The following DBNL variants were observed in gnomAD, a reference collection of about 807,000 sequenced individuals.
DBNL encodes the protein drebrin like, also known as drebrin-like protein.
Under a neutral mutation model 62.2 loss-of-function variants are expected in DBNL, and 35 were observed. That is an observed-to-expected ratio of 0.56 (90% confidence interval 0.43 to 0.75). The LOEUF (loss-of-function observed/expected upper bound fraction) is 0.75, where lower values mean the gene tolerates loss of function less well. Among genes scored for constraint, DBNL ranks in the 30% least tolerant of loss-of-function variants. DBNL has a pLI of 0.00. For missense variants in DBNL, 495 were observed against 578.4 expected (o/e 0.86, Z 1.48); for synonymous variants, 197 against 218.0 (o/e 0.90, Z 0.85).
Position 44,064,906 on chromosome 7 carries a change from T to G in DBNL, c.*3990T>G. On this transcript the variant is annotated 3_prime_UTR_variant, in exon 13 of 13. Coordinates refer to ENST00000448521, the MANE Select transcript of DBNL (RefSeq NM_001014436.3). Reference sequence around the variant, plus strand: ...GAGCACTCGCTTGCCGGCCTTGATCTGGGGAACAATCTCCTCGTTCCAGAA... The same window carrying G: ...GAGCACTCGCTTGCCGGCCTTGATCGGGGGAACAATCTCCTCGTTCCAGAA... 1 of 1,611,326 alleles carries G rather than the reference T, an allele frequency of 6.2e-7. No homozygotes were observed. Among genetic ancestry groups the G allele is most frequent in the Non-Finnish European group, 8.5e-7 (1 of 1,179,628 alleles).
intron 4 of DBNL, among the ~76,000 whole-genome samples, chr7:44,054,441 C>T (rs2096132394): frequency 6.6e-6 from 1 of 152,214 alleles, no homozygotes; most frequent in Non-Finnish European, 1.5e-5. Flanking sequence ...GATCTGCCCT[C>T]TTCAGCTTCC....
chr7:44,044,768 G>C lies in DBNL; in HGVS notation c.31G>C (p.Ala11Pro). The stretch of plus-strand genomic sequence containing the variant: ...GGCGAACCTGAGCCGGAACGGGCCA[G>C]CGCTGCAAGAGGCCTACGTGCGGGT... MAANLSRNGP[A>P]LQEAYVRVVT... The change falls in exon 1 of 13, where the codon GCG becomes CCG. Residue 11 changes from alanine to proline, a missense_variant. Ala to Pro is a conservative substitution (Grantham distance 27). Transcript: ENST00000448521. 2.0e-6 allele frequency: 3 copies of C among 1,509,150 alleles called. No individual in the cohort carries two copies. The highest frequency in any genetic ancestry group is 2.7e-6 in the Non-Finnish European group (3 of 1,129,872). The allele number at this position is 1,509,150 out of a possible 1,614,324, so 93.5% of individuals were successfully genotyped here.
rs10951756 is a variant in DBNL, at chr7:44,060,474, G to A, written c.1154-303G>A. Reference sequence around the variant, plus strand: ...AGGCCTGGATGCTGGTTCACCAGGCGTCCCTGGGTGGAGGCCTTGGAGAAT... The same window carrying A: ...AGGCCTGGATGCTGGTTCACCAGGCATCCCTGGGTGGAGGCCTTGGAGAAT... On this transcript the variant is annotated intron_variant, in intron 12 of 12. Coordinates refer to ENST00000448521, the MANE Select transcript of DBNL (RefSeq NM_001014436.3). The surrounding 1 kb of genome is among the most constrained non-coding windows in gnomAD (Gnocchi z 6.3). 2.0e-5 allele frequency among the ~76,000 whole-genome samples: 3 copies of A among 152,166 alleles called. No homozygotes were observed. The highest frequency in any genetic ancestry group is 2.9e-5 in the Non-Finnish European group (2 of 67,952).
Position 44,058,473 on chromosome 7 carries a change from A to G in DBNL, c.746A>G (p.Asn249Ser). 1 of 1,614,196 alleles carries G rather than the reference A, an allele frequency of 6.2e-7. No individual in the cohort carries two copies. Residue 249 changes from asparagine (N) to serine (S), a missense_variant, in exon 8 of 13, where the codon AAT (asparagine) becomes AGT (serine). Physicochemically the swap from Asn to Ser is conservative, Grantham distance 46. Coordinates refer to ENST00000448521, the MANE Select transcript of DBNL (RefSeq NM_001014436.3). ...CAAGAAGTGGTTTCAAGGAACCGAA[A>G]TGAGCAGGTAAGATGGGGGTGCTCT... is the stretch of plus-strand genomic sequence containing the variant. ...QQQEVVSRNRNEQESAVHPRE... is the reference protein window; with the variant it reads ...QQQEVVSRNRSEQESAVHPRE...
rs1049327170 is a variant in DBNL at position 44,064,517 on chromosome 7, C to T, written c.*3601C>T. On this transcript the variant is annotated 3_prime_UTR_variant, in exon 13 of 13. Coordinates refer to ENST00000448521, the MANE Select transcript of DBNL (RefSeq NM_001014436.3). ...CCCACAGTAAGTTGGGATTTGGAGC[C>T]AGATGCTCTAAGCCCAGCCCTTCCG... 2.9e-5 allele frequency: 12 copies of T among 415,756 alleles called. No individual in the cohort carries two copies. The highest frequency in any genetic ancestry group is 5.4e-5 in the Non-Finnish European group (12 of 222,384). The allele number at this position is 415,756 out of a possible 1,614,324, so 25.8% of individuals were successfully genotyped here. A position where few individuals can be genotyped will look rare whatever the true frequency, so the allele number is the denominator to read the frequency against.
Position 44,058,479 on chromosome 7 carries a change from A to C in DBNL, c.752A>C (p.Gln251Pro). Residue 251 changes from glutamine to proline, a missense_variant and splice_region_variant, in exon 8 of 13, where the codon CAG becomes CCG. Coordinates refer to ENST00000448521, the MANE Select transcript of DBNL (RefSeq NM_001014436.3). ...GTGGTTTCAAGGAACCGAAATGAGC[A>C]GGTAAGATGGGGGTGCTCTACTTGT... ...QEVVSRNRNE[Q>P]ESAVHPREIF... 1.9e-6 allele frequency: 3 copies of C among 1,614,186 alleles called. No homozygotes were observed. The highest frequency in any genetic ancestry group is 2.5e-6 in the Non-Finnish European group (3 of 1,180,028).
In DBNL at chr7:44,059,666, C is replaced by T. The variant is rs1447988505; in HGVS notation, c.1047+8C>T. 6.3e-7 allele frequency: 1 copy of T among 1,594,202 alleles called. No homozygotes were observed. Among genetic ancestry groups the T allele is most frequent in the Non-Finnish European group, 8.5e-7 (1 of 1,175,638 alleles). ...TACGAGCAGCCCCCACTGGTGGGTT[C>T]CTACACTGGGGCTGGGGCCAGGAAG... On this transcript the variant is annotated splice_region_variant and intron_variant, in intron 11 of 12. Transcript: ENST00000448521. This position sits in a 1 kb window ranked among gnomAD's most constrained non-coding sequence, Gnocchi z 4.1.
Position 44,051,832 on chromosome 7 carries a change from G to GCCA in DBNL, c.142_143insCCA (p.Gly48delinsAlaSer). On this transcript the variant is annotated protein_altering_variant, in exon 3 of 13. Transcript: ENST00000448521. ...CCTTCACTGTGACTCTGCTGCAGAG[G>GCCA]GTGGCCTGGAGGAGATGGTGGAGGA... 6.2e-7 allele frequency: 1 copy of GCCA among 1,614,102 alleles called. No homozygotes were observed. The highest frequency in any genetic ancestry group is 8.5e-7 in the Non-Finnish European group (1 of 1,179,988).
chr7:44,065,059 C>G lies in DBNL; in HGVS notation c.*4143C>G. The stretch of plus-strand genomic sequence containing the variant: ...CTTTCCCTCCCAAGCCAGTGGGCCC[C>G]CACCCGACTCCCCACTCTGCAGCTT... On this transcript the variant is annotated 3_prime_UTR_variant, in exon 13 of 13. Transcript: ENST00000448521. The G allele has an allele frequency of 6.2e-7, 1 of 1,610,302 alleles. No homozygotes were observed. The highest frequency in any genetic ancestry group is 8.5e-7 in the Non-Finnish European group (1 of 1,179,818).
chr7:44,064,871 G>A lies in DBNL; in HGVS notation c.*3955G>A, dbSNP rs756734437. The A allele has an allele frequency of 1.2e-6, 2 of 1,611,070 alleles. No individual in the cohort carries two copies. The highest frequency in any genetic ancestry group is 1.1e-5 in the South Asian group (1 of 90,532). ...ACAATGCCCCGCAGGCTGTTCCCGT[G>A]GGCTGCAATGAGCACTCGCTTGCCG... On this transcript the variant is annotated 3_prime_UTR_variant, in exon 13 of 13. Coordinates refer to ENST00000448521, the MANE Select transcript of DBNL (RefSeq NM_001014436.3).
At position 44,068,267 on chromosome 7, in the gene DBNL, G is replaced by A. The variant is rs1192800234; in HGVS notation, c.*7351G>A. The A allele has an allele frequency of 2.6e-5, 4 of 152,080 alleles. No individual in the cohort carries two copies. The highest frequency in any genetic ancestry group is 9.7e-5 in the African/African-American group (4 of 41,382). The allele number at this position is 152,080 out of a possible 1,614,324, so 9.4% of individuals were successfully genotyped here. Reference sequence around the variant, plus strand: ...GGGAAAGAGCCCCAGATTTGTGGCTGGAGGTCTTGGTAGGGATGTTGCAGG... The same window carrying A: ...GGGAAAGAGCCCCAGATTTGTGGCTAGAGGTCTTGGTAGGGATGTTGCAGG... On this transcript the variant is annotated 3_prime_UTR_variant, in exon 13 of 13. Coordinates refer to ENST00000448521, the MANE Select transcript of DBNL (RefSeq NM_001014436.3).
rs1387278633 is a variant in DBNL at position 44,065,583 on chromosome 7, C to T, written c.*4667C>T. On this transcript the variant is annotated 3_prime_UTR_variant, in exon 13 of 13. Coordinates refer to ENST00000448521, the MANE Select transcript of DBNL (RefSeq NM_001014436.3). ...GGACGGGGACGGCTGCTTCCCAACA[C>T]TCCCAGCTTTATAATAGTGTCTTCC... The T allele has an allele frequency of 6.5e-7, 1 of 1,543,410 alleles. No homozygotes were observed. The highest frequency in any genetic ancestry group is 8.9e-7 in the Non-Finnish European group (1 of 1,119,806).
chr7:44,053,033 C>T, intron 4 of DBNL, 92 bp downstream of exon 4: 1 of 1,489,190 alleles, frequency 6.7e-7, no homozygotes, highest in South Asian at 1.2e-5. Flanking sequence ...GGAATCAGAA[C>T]TGGAGTTGGG....
In DBNL at chr7:44,052,906, G is replaced by C. The variant is rs1206302350; in HGVS notation, c.292G>C (p.Ala98Pro). 1 of 1,613,598 alleles carries C rather than the reference G, an allele frequency of 6.2e-7. No individual in the cohort carries two copies. The highest frequency in any genetic ancestry group is 8.5e-7 in the Non-Finnish European group (1 of 1,179,982). ...GVNDVRKGAC[A>P]SHVSTMASFL... ...GAACGATGTGCGGAAGGGAGCCTGTGCCAGCCACGTCAGCACCATGGCCAG... is the reference window on the plus strand; with the variant it reads ...GAACGATGTGCGGAAGGGAGCCTGTCCCAGCCACGTCAGCACCATGGCCAG... The change falls in exon 4 of 13, where the codon GCC (alanine) becomes CCC (proline). Residue 98 changes from alanine to proline, a missense_variant. Transcript: ENST00000448521.
chr7:44,048,835 A>C (rs181659850), intron 1 of DBNL, among the ~76,000 whole-genome samples: 7 of 152,276 alleles, frequency 4.6e-5, no homozygotes, highest in Admixed American at 4.6e-4. Flanking sequence ...AGCCAGAATG[A>C]ATCTTTACCA....
Position 44,064,768 on chromosome 7 carries a change from A to G in DBNL, c.*3852A>G, listed in dbSNP as rs896332394. ...GGTCCATGGGCGAGAGACTTTGCTG[A>G]GATGAGAAGCCAGCTGGGGCTGCTG... On this transcript the variant is annotated 3_prime_UTR_variant, in exon 13 of 13. Coordinates refer to ENST00000448521, the MANE Select transcript of DBNL (RefSeq NM_001014436.3). 91 of 1,406,884 alleles carry G rather than the reference A, an allele frequency of 6.5e-5. No individual in the cohort carries two copies. Among genetic ancestry groups the G allele is most frequent in the Non-Finnish European group, 8.6e-5 (88 of 1,025,066 alleles). The allele number at this position is 1,406,884 out of a possible 1,614,324, so 87.2% of individuals were successfully genotyped here.
In DBNL at chr7:44,058,145, G is replaced by A. The variant is rs771318533; in HGVS notation, c.569G>A (p.Arg190His). 3.2e-6 allele frequency: 5 copies of A among 1,556,988 alleles called. No homozygotes were observed. Among genetic ancestry groups the A allele is most frequent in the African/African-American group, 1.4e-5 (1 of 73,686 alleles). Residue 190 changes from arginine to histidine, a missense_variant, in exon 7 of 13, where the codon CGT becomes CAT. Coordinates refer to ENST00000448521, the MANE Select transcript of DBNL (RefSeq NM_001014436.3). ...TCCCTGCAGAAGGAGGAGGAGAACCGTCGGCTGGAGGAAAAGCGGCGGGCC... is the reference window on the plus strand; with the variant it reads ...TCCCTGCAGAAGGAGGAGGAGAACCATCGGCTGGAGGAAAAGCGGCGGGCC... Reference protein sequence around the residue: ...WAKAEKEEENRRLEEKRRAEE... With the variant: ...WAKAEKEEENHRLEEKRRAEE...
In DBNL at chr7:44,050,267, G is replaced by A; in HGVS notation, c.126G>A (p.Val42=). ...TYEGNSNDIR[V]AGTGEGGLEE... The stretch of plus-strand genomic sequence containing the variant: ...AAGGCAACAGCAATGACATCCGCGT[G>A]GCTGGCACAGGGGGTGAGTATGACT... The change falls in exon 2 of 13, where the codon GTG becomes GTA. Residue 42 remains valine (V), a synonymous_variant. Coordinates refer to ENST00000448521, the MANE Select transcript of DBNL (RefSeq NM_001014436.3). 1 of 1,613,772 alleles carries A rather than the reference G, an allele frequency of 6.2e-7. No individual in the cohort carries two copies. Among genetic ancestry groups the A allele is most frequent in the African/African-American group, 1.3e-5 (1 of 75,046 alleles).
intron 4 of DBNL, among the ~76,000 whole-genome samples, chr7:44,055,782 T>TGGAG: frequency 6.6e-6 from 1 of 152,364 alleles, no homozygotes; most frequent in Non-Finnish European, 1.5e-5. Flanking sequence ...ACTGAGTTGT[T>TGGAG]TGAGTTCCTT....
Sources: allele counts gnomAD v4.1 joint callset (sites outside exome capture counted in the v4.1 genomes callset), GRCh38; gene constraint gnomAD v4.1.1; non-coding constraint Gnocchi (gnomAD v3.1); transcripts MANE v1.5; gene names NCBI Gene and HGNC (gene_info 2026-07-23, HGNC 2026-07-21).